The following RERE variants were observed in gnomAD, a reference collection of about 807,000 sequenced individuals.
RERE encodes the protein arginine-glutamic acid dipeptide repeats protein.
In RERE, 40 loss-of-function variants were observed where a neutral mutation model predicts 146.1. That is an observed-to-expected ratio of 0.27 (90% CI 0.21 to 0.36). The LOEUF (loss-of-function observed/expected upper bound fraction) is 0.36, where lower values mean the gene tolerates loss of function less well. Ranked by LOEUF, RERE falls within the 10% of genes least tolerant of loss-of-function variation. The pLI is 1.00. For synonymous variants in RERE, 1,003 were observed against 866.0 expected (o/e 1.16, Z -2.78); for missense variants, 1,933 against 2,138.7 (o/e 0.90, Z 1.90).
At position 8,775,848 on chromosome 1, in the gene RERE, T is replaced by C. The variant is rs115861691; in HGVS notation, c.-145+41312A>G. On this transcript the variant is annotated intron_variant, in intron 1 of 22. Coordinates refer to ENST00000400908, the MANE Select transcript of RERE (RefSeq NM_001042681.2). ...AATTTTATGAGGTAGGTATTACTAC[T>C]ATCTCCATTTTGTATCGAGGAAGCT... Among the ~76,000 whole-genome samples the C allele has an allele frequency of 3.0e-3, 451 of 152,342 alleles. 3 individuals are homozygous for C. The highest frequency in any genetic ancestry group is 0.01 in the African/African-American group (430 of 41,570).
At chr1:8,662,960 A>G (rs1038218143) in intron 1 of RERE, among the ~76,000 whole-genome samples, 6 of 152,200 alleles carry the variant, frequency 3.9e-5, no homozygotes, top group African/African-American at 1.4e-4. Flanking sequence ...TATAGATTGC[A>G]AAGTGCTTTA....
chr1:8,459,220 T>C (rs1023785099), intron 11 of RERE, among the ~76,000 whole-genome samples: 2 of 152,236 alleles, frequency 1.3e-5, no homozygotes, highest in African/African-American at 4.8e-5. Context: ...CACTTGAATC[T>C]ACATTTTTCT....
At chr1:8,601,736 AACACACACACACACACACACACAC>A (rs3082091) in intron 4 of RERE, among the ~76,000 whole-genome samples, 2 of 140,812 alleles carry the variant, frequency 1.4e-5, no homozygotes, top group East Asian at 2.2e-4. Flanking sequence ...GTCCAAGGTC[AACACACACACACACACACACACAC>A]ACACACACAC....
At chr1:8,518,037 G>T (rs76276645) in intron 7 of RERE, among the ~76,000 whole-genome samples, 2,750 of 152,270 alleles carry the variant, frequency 0.018, 52 homozygotes, top group South Asian at 0.034. Flanking sequence ...AGAACATGAT[G>T]CGGCCACTTC....
chr1:8,650,823 G>A (rs1329164555), intron 2 of RERE, among the ~76,000 whole-genome samples: 1 of 152,054 alleles, frequency 6.6e-6, no homozygotes, highest in African/African-American at 2.4e-5. Context: ...CTTGAACCCA[G>A]GAGGCGGAGG....
intron 1 of RERE, among the ~76,000 whole-genome samples, chr1:8,742,108 G>A (rs1187237070): frequency 6.6e-6 from 1 of 152,184 alleles, no homozygotes; most frequent in Non-Finnish European, 1.5e-5. Flanking sequence ...AAAGGATTCT[G>A]TTTATTTACA....
At chr1:8,601,507 G>A (rs1646625161) in intron 4 of RERE, among the ~76,000 whole-genome samples, 1 of 152,022 alleles carries the variant, frequency 6.6e-6, no homozygotes, top group Non-Finnish European at 1.5e-5. Flanking sequence ...GTTTGAGAGT[G>A]GGAGGTGGGA....
At chr1:8,422,477 C>T (rs900016236) in intron 12 of RERE, among the ~76,000 whole-genome samples, 2 of 152,178 alleles carry the variant, frequency 1.3e-5, no homozygotes, top group Non-Finnish European at 2.9e-5. Context: ...TCCCAAAGAC[C>T]TTTCTGTTCT....
chr1:8,810,925 G>A (rs970748908), intron 1 of RERE, among the ~76,000 whole-genome samples: 10 of 152,024 alleles, frequency 6.6e-5, no homozygotes, highest in East Asian at 5.8e-4. Flanking sequence ...GTCAGTAGGC[G>A]GGCAGAGTCA....
intron 1 of RERE, among the ~76,000 whole-genome samples, chr1:8,778,436 T>A (rs1000605523): frequency 1.3e-5 from 2 of 152,226 alleles, no homozygotes; most frequent in South Asian, 4.1e-4. Flanking sequence ...TAATTTGTGA[T>A]AGCACTTGTA....
chr1:8,793,995 G>T (rs1045720495), intron 1 of RERE, among the ~76,000 whole-genome samples: 2 of 151,960 alleles, frequency 1.3e-5, no homozygotes, highest in East Asian at 1.9e-4. Flanking sequence ...TTGAACCCAG[G>T]GGGTGGAGGT....
intron 1 of RERE, among the ~76,000 whole-genome samples, chr1:8,779,661 CA>C (rs1047033038): frequency 6.3e-5 from 9 of 142,994 alleles, no homozygotes; most frequent in Admixed American, 7.0e-5. Flanking sequence ...AGACTGTCTC[CA>C]AAAAAAAAAG....
intron 6 of RERE, among the ~76,000 whole-genome samples, chr1:8,542,144 C>T (rs545929662): frequency 4.6e-5 from 7 of 152,080 alleles, no homozygotes; most frequent in Non-Finnish European, 7.4e-5. Flanking sequence ...AACACACACA[C>T]GCACACATAC....
chr1:8,482,184 CAATAAA>C (rs1243464208), intron 10 of RERE, among the ~76,000 whole-genome samples: 1 of 148,602 alleles, frequency 6.7e-6, no homozygotes, highest in African/African-American at 2.5e-5. Context: ...TAGGGCTGCT[CAATAAA>C]AATAAAAATA....
intron 12 of RERE, among the ~76,000 whole-genome samples, chr1:8,384,784 C>T (rs1258419291): frequency 6.6e-6 from 1 of 152,210 alleles, no homozygotes; most frequent in East Asian, 1.9e-4. Flanking sequence ...TTGTTTTTCA[C>T]TCCCAGCTAA....
At chr1:8,534,521 A>G (rs1645699531) in intron 7 of RERE, among the ~76,000 whole-genome samples, 1 of 152,204 alleles carries the variant, frequency 6.6e-6, no homozygotes, top group Non-Finnish European at 1.5e-5. Flanking sequence ...TCAGAAGGTC[A>G]GAGAGCAGCA....
In RERE at chr1:8,517,461, C is replaced by T. The variant is rs952898996; in HGVS notation, c.831-8786G>A. Among the ~76,000 whole-genome samples, 7 of 152,136 alleles carry T rather than the reference C, an allele frequency of 4.6e-5. No homozygotes were observed. In the East Asian group the frequency reaches 1.3e-3, roughly 29 times the overall value. On this transcript the variant is annotated intron_variant, in intron 7 of 22. Transcript: ENST00000400908. The stretch of plus-strand genomic sequence containing the variant: ...TTGGAGACATCTTTATACTGTGAAT[C>T]ATATTACAAAAACCGAATTAAGAAG...
chr1:8,589,954 G>C (rs969401257), intron 4 of RERE, among the ~76,000 whole-genome samples: 1 of 152,108 alleles, frequency 6.6e-6, no homozygotes, highest in Non-Finnish European at 1.5e-5. Flanking sequence ...AATGTCTATC[G>C]CAAGTGTGGT....
At chr1:8,566,226 G>C (rs1646151049) in intron 4 of RERE, among the ~76,000 whole-genome samples, 1 of 152,122 alleles carries the variant, frequency 6.6e-6, no homozygotes, top group Non-Finnish European at 1.5e-5. Context: ...ATCCACCTAT[G>C]GAAGGACCAC....
Sources: gnomAD v4.1 joint callset for allele counts (sites outside exome capture counted in the v4.1 genomes callset) on GRCh38, gnomAD v4.1.1 for gene constraint, MANE v1.5 for transcripts, NCBI Gene and HGNC (gene_info 2026-07-23, HGNC 2026-07-21) for gene names.